The following RPRD1B variants were observed in gnomAD, a reference collection of about 807,000 sequenced individuals.
RPRD1B encodes regulation of nuclear pre-mRNA domain-containing protein 1B.
In RPRD1B, 11 loss-of-function variants were observed where a neutral mutation model predicts 41.5. The ratio of observed to expected loss-of-function variants is 0.27; its 90% CI spans 0.17 to 0.44. RPRD1B has a LOEUF of 0.44. Among genes scored for constraint, RPRD1B ranks in the 20% least tolerant of loss-of-function variants. The probability of loss-of-function intolerance (pLI) is 1.00; values close to 1 mark genes in which losing one functional copy is unlikely to be tolerated. For missense variants in RPRD1B, 248 were observed against 389.9 expected (o/e 0.64, Z 3.06); for synonymous variants, 158 against 155.6 (o/e 1.02, Z -0.12).
intron 1 of RPRD1B, among the ~76,000 whole-genome samples, chr20:38,037,112 T>C (rs2074011399): frequency 6.6e-6 from 1 of 152,260 alleles, no homozygotes; most frequent in African/African-American, 2.4e-5. Flanking sequence ...GCTCACAGAC[T>C]GTCTCTGAGT....
At chr20:38,034,351 T>G (rs888003187) in intron 1 of RPRD1B, among the ~76,000 whole-genome samples, 6 of 152,166 alleles carry the variant, frequency 3.9e-5, no homozygotes, top group African/African-American at 1.4e-4. Context: ...CATTTTCCCT[T>G]CAGTTTCCCC....
chr20:38,069,459 G>C (rs1325180838), intron 6 of RPRD1B, among the ~76,000 whole-genome samples: 2 of 152,234 alleles, frequency 1.3e-5, no homozygotes, highest in African/African-American at 2.4e-5. Flanking sequence ...AAGAAGAGAA[G>C]CATGTTTATA....
intron 5 of RPRD1B, among the ~76,000 whole-genome samples, chr20:38,065,291 T>G (rs1336184642): frequency 6.6e-6 from 1 of 152,192 alleles, no homozygotes; most frequent in Non-Finnish European, 1.5e-5. Context: ...CATGTAGTTT[T>G]TTTTCTGGCG....
chr20:38,035,271 A>G (rs1328440754), intron 1 of RPRD1B, among the ~76,000 whole-genome samples: 4 of 152,236 alleles, frequency 2.6e-5, no homozygotes, highest in African/African-American at 7.2e-5. Flanking sequence ...TGAGTTTCAT[A>G]ATGGAAGACT....
chr20:38,090,312 C>G lies in RPRD1B; in HGVS notation c.*437C>G. 1.0e-6 allele frequency: 1 copy of G among 987,780 alleles called. No homozygotes were observed. Among genetic ancestry groups the G allele is most frequent in the Non-Finnish European group, 1.2e-6 (1 of 831,222 alleles). The allele number at this position is 987,780 out of a possible 1,614,324, so 61.2% of individuals were successfully genotyped here. A position where few individuals can be genotyped will look rare whatever the true frequency, so the allele number is the denominator to read the frequency against. ...TTCGGTGTGGGCTTCCACTAAGGCA[C>G]TTGTCCTGGAGACGTTGGCTTTCCC... On this transcript the variant is annotated 3_prime_UTR_variant, in exon 7 of 7. Transcript: ENST00000373433.
intron 4 of RPRD1B, among the ~76,000 whole-genome samples, chr20:38,058,358 G>T (rs1402798254): frequency 6.6e-6 from 1 of 152,006 alleles, no homozygotes. Flanking sequence ...GTTATGTTAC[G>T]GTGTTGAGTT....
At chr20:38,040,377 A>G in intron 1 of RPRD1B, 58 bp from the exon 2 acceptor site, 3 of 1,448,508 alleles carry the variant, frequency 2.1e-6, no homozygotes, top group South Asian at 2.7e-5. Flanking sequence ...GGGCAAAAGA[A>G]TTGTGAATTG....
chr20:38,049,264 C>CT (rs2074154534), intron 3 of RPRD1B, among the ~76,000 whole-genome samples: 1 of 150,822 alleles, frequency 6.6e-6, no homozygotes, highest in Non-Finnish European at 1.5e-5. Context: ...TGATTTTGAT[C>CT]TTTACTGAAC....
Position 38,033,813 on chromosome 20 carries a change from C to A in RPRD1B, c.-135C>A. On this transcript the variant is annotated 5_prime_UTR_variant, in exon 1 of 7. Coordinates refer to ENST00000373433, the MANE Select transcript of RPRD1B (RefSeq NM_021215.4). ...TGCGGAGACCCATCCCCTCCCCCTT[C>A]TCGCACCCCTGGCAGTCTGTCAGTC... is the stretch of plus-strand genomic sequence containing the variant. The A allele has an allele frequency of 1.1e-6, 1 of 875,778 alleles. No individual in the cohort carries two copies. Among genetic ancestry groups the A allele is most frequent in the Non-Finnish European group, 1.7e-6 (1 of 593,350 alleles). The allele number at this position is 875,778 out of a possible 1,614,324, so 54.3% of individuals were successfully genotyped here. A position where few individuals can be genotyped will look rare whatever the true frequency, so the allele number is the denominator to read the frequency against.
chr20:38,075,874 T>C (rs980747453), intron 6 of RPRD1B, among the ~76,000 whole-genome samples: 2 of 152,202 alleles, frequency 1.3e-5, no homozygotes, highest in Non-Finnish European at 2.9e-5. Flanking sequence ...CAAGCCTCCT[T>C]ATTTGTTTTT....
chr20:38,077,746 C>CTTAGGCCCTATA (rs2074477696), intron 6 of RPRD1B, among the ~76,000 whole-genome samples: 2 of 152,198 alleles, frequency 1.3e-5, no homozygotes, highest in Admixed American at 1.3e-4. Flanking sequence ...CATGACTGAT[C>CTTAGGCCCTATA]ATCTACATCT....
rs779319790 is a variant in RPRD1B at position 38,057,552 on chromosome 20, C to G, written c.436C>G (p.Leu146Val). ...PPKATEEKKS[L>V]KRTFQQIQEE... The stretch of plus-strand genomic sequence containing the variant: ...TCTAGCAACAGAAGAGAAGAAATCT[C>G]TGAAACGAACTTTTCAGCAAATTCA... The change falls in exon 4 of 7, where the codon CTG becomes GTG. Residue 146 changes from leucine (L) to valine (V), a missense_variant. Leu to Val is a conservative substitution (Grantham distance 32, BLOSUM62 1). Transcript: ENST00000373433. The G allele has an allele frequency of 1.2e-6, 2 of 1,613,926 alleles. No individual in the cohort carries two copies. Among genetic ancestry groups the G allele is most frequent in the Non-Finnish European group, 8.5e-7 (1 of 1,179,786 alleles).
intron 4 of RPRD1B, among the ~76,000 whole-genome samples, chr20:38,058,043 A>G (rs1427129886): frequency 3.9e-5 from 6 of 152,266 alleles, no homozygotes; most frequent in African/African-American, 7.2e-5. Flanking sequence ...CTATGTGTCA[A>G]TAGCAAATTT....
intron 2 of RPRD1B, among the ~76,000 whole-genome samples, chr20:38,043,026 G>A (rs2074082894): frequency 6.6e-6 from 1 of 152,216 alleles, no homozygotes; most frequent in South Asian, 2.1e-4. Context: ...CATTCAACAT[G>A]TATTGGAGTG....
chr20:38,069,781 GA>G (rs972640402), intron 6 of RPRD1B, among the ~76,000 whole-genome samples: 1 of 152,086 alleles, frequency 6.6e-6, no homozygotes, highest in African/African-American at 2.4e-5. Flanking sequence ...AATAGACCAA[GA>G]AAAAAATGAA....
In RPRD1B at chr20:38,075,055, C is replaced by G. The variant is rs561118295; in HGVS notation, c.831+8799C>G. 2.0e-5 allele frequency among the ~76,000 whole-genome samples: 3 copies of G among 152,298 alleles called. No homozygotes were observed. In the South Asian group the frequency reaches 6.2e-4, roughly 32 times the overall value. On this transcript the variant is annotated intron_variant, in intron 6 of 6. Coordinates refer to ENST00000373433, the MANE Select transcript of RPRD1B (RefSeq NM_021215.4). ...ATTTGTATTGAGCACTTGTATGTTT[C>G]TGTCTCTGTCTCTTAGCTTTAGGCT...
At chr20:38,036,340 C>T (rs1254996040) in intron 1 of RPRD1B, among the ~76,000 whole-genome samples, 6 of 152,200 alleles carry the variant, frequency 3.9e-5, no homozygotes, top group Admixed American at 1.3e-4. Flanking sequence ...TTTTCATGTA[C>T]TCAGTGCCTC....
At position 38,090,523 on chromosome 20, in the gene RPRD1B, C is replaced by G; in HGVS notation, c.*648C>G. On this transcript the variant is annotated 3_prime_UTR_variant, in exon 7 of 7. Transcript: ENST00000373433. ...TCAAAGCTAATCTGGAGCATAAAGGCACAGTTCAGAGACAGAATAACAGGG... is the reference window on the plus strand; with the variant it reads ...TCAAAGCTAATCTGGAGCATAAAGGGACAGTTCAGAGACAGAATAACAGGG... 1 of 985,912 alleles carries G rather than the reference C, an allele frequency of 1.0e-6. No homozygotes were observed. Among genetic ancestry groups the G allele is most frequent in the Non-Finnish European group, 1.2e-6 (1 of 829,962 alleles). The allele number at this position is 985,912 out of a possible 1,614,324, so 61.1% of individuals were successfully genotyped here.
intron 2 of RPRD1B, among the ~76,000 whole-genome samples, chr20:38,046,589 C>T (rs76296273): frequency 0.01 from 1,560 of 152,154 alleles, 26 homozygotes; most frequent in African/African-American, 0.036. Flanking sequence ...TTATTTTCAA[C>T]GTGGAGATTA....
Sources: gnomAD v4.1 joint callset for allele counts (sites outside exome capture counted in the v4.1 genomes callset) on GRCh38, gnomAD v4.1.1 for gene constraint, MANE v1.5 for transcripts, NCBI Gene and HGNC (gene_info 2026-07-23, HGNC 2026-07-21) for gene names.